Variants in PRKCA observed in about 807,000 individuals in gnomAD.
The protein encoded by PRKCA is protein kinase C alpha type.
A neutral mutation model predicts 87.0 loss-of-function variants in PRKCA; 27 were observed. The observed-to-expected ratio is 0.31, with a 90% confidence interval of 0.23 to 0.43. The LOEUF (loss-of-function observed/expected upper bound fraction) is 0.43. Among genes scored for constraint, PRKCA ranks in the 20% least tolerant of loss-of-function variants. The pLI, the probability that PRKCA is intolerant of heterozygous loss-of-function variation, is 1.00. For synonymous variants in PRKCA, 329 were observed against 311.1 expected, an observed-to-expected ratio of 1.06 and a Z score of -0.61; for missense variants, 518 against 852.3, an observed-to-expected ratio of 0.61 and a Z score of 4.88.
At chr17:66,645,855 A>G (rs1971438270) in intron 5 of PRKCA, among the ~76,000 whole-genome samples, 1 of 152,152 alleles carries the variant, frequency 6.6e-6, no homozygotes, top group African/African-American at 2.4e-5. Flanking sequence ...GTTGGAGGGA[A>G]TGGAACTAGA....
chr17:66,366,184 A>T (rs930734753), intron 2 of PRKCA, among the ~76,000 whole-genome samples: 3 of 152,174 alleles, frequency 2.0e-5, no homozygotes, highest in African/African-American at 7.2e-5. Flanking sequence ...AACCTTTTAG[A>T]TGTCAACACA....
In PRKCA at chr17:66,645,405, G is replaced by T; in HGVS notation, c.423G>T (p.Lys141Asn). 6.2e-7 allele frequency: 1 copy of T among 1,614,180 alleles called. No homozygotes were observed. The highest frequency in any genetic ancestry group is 8.5e-7 in the Non-Finnish European group (1 of 1,180,034). The change falls in exon 5 of 17, where the codon AAG becomes AAT. Residue 141 changes from lysine to asparagine, a missense_variant. Around this residue, in one of 5 missense-constraint regions of PRKCA, gnomAD observed 300 missense variants for 496.8 expected, o/e 0.60. Transcript: ENST00000413366. ...CAGCCTGCGATATGAACGTTCACAAGCAATGCGTCATCAATGTCCCCAGCC... is the reference window on the plus strand; with the variant it reads ...CAGCCTGCGATATGAACGTTCACAATCAATGCGTCATCAATGTCCCCAGCC... ...KCDTCDMNVH[K>N]QCVINVPSLC...
At chr17:66,533,091 G>A (rs988338668) in intron 3 of PRKCA, among the ~76,000 whole-genome samples, 1 of 152,174 alleles carries the variant, frequency 6.6e-6, no homozygotes, top group Non-Finnish European at 1.5e-5. Flanking sequence ...AAACGGTAGA[G>A]CTCTTTGTGA....
chr17:66,754,979 AT>A (rs1159752871), intron 13 of PRKCA, among the ~76,000 whole-genome samples: 1 of 152,066 alleles, frequency 6.6e-6, no homozygotes, highest in African/African-American at 2.4e-5. Flanking sequence ...CAGCACACGG[AT>A]TTGGCGGCGG....
chr17:66,743,743 G>A (rs147235611), intron 13 of PRKCA, among the ~76,000 whole-genome samples: 1 of 152,284 alleles, frequency 6.6e-6, no homozygotes, highest in Non-Finnish European at 1.5e-5. Context: ...GCTGGCTTCA[G>A]CTCTTCACAG....
intron 3 of PRKCA, among the ~76,000 whole-genome samples, chr17:66,583,822 C>T (rs985264284): frequency 1.3e-5 from 2 of 152,130 alleles, no homozygotes; most frequent in Non-Finnish European, 2.9e-5. Context: ...CAGTCTGTCT[C>T]TAAACTAAAT....
At chr17:66,577,278 C>T (rs11869197) in intron 3 of PRKCA, among the ~76,000 whole-genome samples, 13,532 of 152,124 alleles carry the variant, frequency 0.089, 724 homozygotes, top group Middle Eastern at 0.2. Context: ...CGTGAGAGTC[C>T]GGCGATGGGG....
chr17:66,636,539 A>G (rs140277090), intron 3 of PRKCA, among the ~76,000 whole-genome samples: 9 of 152,306 alleles, frequency 5.9e-5, no homozygotes, highest in Non-Finnish European at 1.0e-4. Flanking sequence ...CTGACCACCT[A>G]TGAAGCCTGA....
intron 5 of PRKCA, among the ~76,000 whole-genome samples, chr17:66,680,800 G>A (rs1273646724): frequency 6.6e-6 from 1 of 152,184 alleles, no homozygotes; most frequent in Non-Finnish European, 1.5e-5. Context: ...GGGGGTGGGG[G>A]AGGTGGGAAA....
At chr17:66,775,570 C>G in intron 14 of PRKCA, 1 of 985,352 alleles carries the variant, frequency 1.0e-6, no homozygotes, top group Non-Finnish European at 1.2e-6. Context: ...TTTTATAATT[C>G]CCAGCACTCA....
chr17:66,526,562 C>T (rs948101187), intron 3 of PRKCA, among the ~76,000 whole-genome samples: 2 of 152,126 alleles, frequency 1.3e-5, no homozygotes, highest in African/African-American at 4.8e-5. Flanking sequence ...GCAAGGCAAA[C>T]CCAGGAGGAT....
chr17:66,781,991 G>A (rs917694495), intron 14 of PRKCA, among the ~76,000 whole-genome samples: 7 of 151,418 alleles, frequency 4.6e-5, no homozygotes, highest in East Asian at 1.9e-4. Flanking sequence ...TCGGCTCACC[G>A]CAACCTCTGC....
chr17:66,336,704 T>G (rs924461036), intron 2 of PRKCA, among the ~76,000 whole-genome samples: 4 of 152,042 alleles, frequency 2.6e-5, no homozygotes, highest in Non-Finnish European at 5.9e-5. Context: ...TATATAATGT[T>G]TTACCCTTCT....
chr17:66,737,642 A>C (rs1974066998), intron 10 of PRKCA, among the ~76,000 whole-genome samples: 1 of 152,240 alleles, frequency 6.6e-6, no homozygotes, highest in African/African-American at 2.4e-5. Context: ...GGTGTGTAGC[A>C]GTGGCCGCGG....
At chr17:66,760,448 G>A (rs534525498) in intron 13 of PRKCA, among the ~76,000 whole-genome samples, 13 of 152,270 alleles carry the variant, frequency 8.5e-5, no homozygotes, top group Non-Finnish European at 1.8e-4. Context: ...TATTAGAAAA[G>A]AAGAAAGATC....
intron 3 of PRKCA, among the ~76,000 whole-genome samples, chr17:66,586,834 G>A (rs41488944): frequency 0.021 from 3,259 of 152,230 alleles, 127 homozygotes; most frequent in African/African-American, 0.073. Flanking sequence ...AGACTCAGTC[G>A]GGATACATAA....
At position 66,437,731 on chromosome 17, in the gene PRKCA, T is replaced by TTTTTTTTTTA. The variant is rs55779501; in HGVS notation, c.206-58470_206-58469insTTTTTTTTTA. On this transcript the variant is annotated intron_variant, in intron 2 of 16. Coordinates refer to ENST00000413366, the MANE Select transcript of PRKCA (RefSeq NM_002737.3). ...TTGTTTCAAGTTTCCTTTTTTTTTT[T>TTTTTTTTTTA]GAGCGGGGGGTGGGTGGGGCGGGGG... is the stretch of plus-strand genomic sequence containing the variant. Among the ~76,000 whole-genome samples, 21 of 11,158 alleles carry TTTTTTTTTTA rather than the reference T, an allele frequency of 1.9e-3. 1 individual carries two copies. Among genetic ancestry groups the TTTTTTTTTTA allele is most frequent in the Admixed American group, 2.9e-3 (2 of 700 alleles). The allele number at this position is 11,158 out of a possible 152,430, so 7.3% of individuals were successfully genotyped here. A position where few individuals can be genotyped will look rare whatever the true frequency, so the allele number is the denominator to read the frequency against.
At chr17:66,587,711 ATATGTGTGTATATGTATACATATATACG>A (rs1969643867) in intron 3 of PRKCA, among the ~76,000 whole-genome samples, 1 of 107,786 alleles carries the variant, frequency 9.3e-6, no homozygotes, top group African/African-American at 3.7e-5. Flanking sequence ...ATATATACGT[ATATGTGTGTATATGTATACATATATACG>A]TATATGTGTG....
chr17:66,519,485 T>TGGGACTATCTCTTGCCTCCCC (rs549426731), intron 3 of PRKCA, among the ~76,000 whole-genome samples: 36 of 152,304 alleles, frequency 2.4e-4, no homozygotes, highest in Middle Eastern at 6.8e-3. Context: ...CTTGCTGCCC[T>TGGGACTATCTCTTGCCTCCCC]GGGACTATCT....
Sources: gnomAD v4.1 joint callset for allele counts (sites outside exome capture counted in the v4.1 genomes callset) on GRCh38, gnomAD v4.1.1 for gene constraint, gnomAD v4.1.1 regional missense constraint, MANE v1.5 for transcripts, NCBI Gene and HGNC (gene_info 2026-07-23, HGNC 2026-07-21) for gene names.